VPS35L: variants seen among roughly 807,000 people sequenced by gnomAD.
VPS35L encodes VPS35 endosomal protein sorting factor like.
VPS35L carries 83 observed loss-of-function variants against 133.0 expected under a neutral mutation model. The observed-to-expected ratio is 0.62, with a 90% CI of 0.52 to 0.75. The LOEUF is 0.75. Ranked by LOEUF, VPS35L falls within the 30% of genes least tolerant of loss-of-function variation. The pLI, the probability that VPS35L is intolerant of heterozygous loss-of-function variation, is 0.00. For missense variants in VPS35L, 1,083 were observed against 1,206.8 expected (o/e 0.90, Z 1.52); for synonymous variants, 423 against 449.9 (o/e 0.94, Z 0.76).
chr16:19,616,265 T>C, intron 13 of VPS35L, 74 bp downstream of exon 13: 2 of 1,328,766 alleles, frequency 1.5e-6, no homozygotes, highest in Non-Finnish European at 2.2e-6. Context: ...CCCAGTTGGT[T>C]TTCCAAGTGG....
chr16:19,653,840 G>A (rs1198332795), intron 26 of VPS35L, among the ~76,000 whole-genome samples: 1 of 152,224 alleles, frequency 6.6e-6, no homozygotes, highest in African/African-American at 2.4e-5. Flanking sequence ...GCTCTGGGCA[G>A]TGAAGTCTTC....
In VPS35L at chr16:19,699,624, C is replaced by T. The variant is rs748928470; in HGVS notation, c.2769C>T (p.His923=). Residue 923 remains histidine (H), a synonymous_variant, in exon 30 of 31, where the codon CAC becomes CAT. Transcript: ENST00000417362. The surrounding 1 kb of genome is among the most constrained non-coding windows in gnomAD (Gnocchi z 4.2). ...ACCTGTGGCACCTGGCACAGAGGCA[C>T]GGCTGTGCAGACACCAGGACCATGG... ...SVNLWHLAQR[H]GCADTRTMVK... is the part of the protein sequence containing the mutation. 30 of 1,613,816 alleles carry T rather than the reference C, an allele frequency of 1.9e-5. No individual in the cohort carries two copies. The highest frequency in any genetic ancestry group is 1.8e-4 in the East Asian group (8 of 44,888).
At chr16:19,562,100 A>C (rs568473413) in intron 1 of VPS35L, among the ~76,000 whole-genome samples, 21 of 152,262 alleles carry the variant, frequency 1.4e-4, no homozygotes, top group African/African-American at 4.8e-4. Context: ...TCAAACAAAA[A>C]CAAAACAAAA....
intron 28 of VPS35L, among the ~76,000 whole-genome samples, chr16:19,686,172 A>G (rs1416970100): frequency 6.6e-6 from 1 of 152,156 alleles, no homozygotes; most frequent in Non-Finnish European, 1.5e-5. Context: ...GGAATCACAG[A>G]GTCTCTGCAG....
At chr16:19,580,325 T>C (rs966644716) in intron 6 of VPS35L, among the ~76,000 whole-genome samples, 2 of 148,906 alleles carry the variant, frequency 1.3e-5, no homozygotes, top group African/African-American at 2.5e-5. Context: ...TTGACCAGGC[T>C]GGTCTCAAAC....
rs1976047308 is a variant in VPS35L, at chr16:19,699,716, T to C, written c.2793+68T>C. 1 of 1,588,494 alleles carries C rather than the reference T, an allele frequency of 6.3e-7. No homozygotes were observed. Among genetic ancestry groups the C allele is most frequent in the Non-Finnish European group, 8.6e-7 (1 of 1,167,226 alleles). ...GTGCACAACCACCCTCAACACAGCA[T>C]TGTGGCCTGGACATCAGACAGACAA... On this transcript the variant is annotated intron_variant, in intron 30 of 30. Coordinates refer to ENST00000417362, the MANE Select transcript of VPS35L (RefSeq NM_020314.7). The surrounding 1 kb of genome is among the most constrained non-coding windows in gnomAD (Gnocchi z 4.2).
intron 8 of VPS35L, among the ~76,000 whole-genome samples, chr16:19,595,287 C>T (rs944378258): frequency 4.6e-5 from 7 of 152,116 alleles, no homozygotes; most frequent in African/African-American, 7.2e-5. Flanking sequence ...GCAGCACTTG[C>T]GGTGAGAGGC....
intron 26 of VPS35L, among the ~76,000 whole-genome samples, chr16:19,660,210 A>G (rs1455791042): frequency 6.6e-6 from 1 of 151,994 alleles, no homozygotes; most frequent in Non-Finnish European, 1.5e-5. Flanking sequence ...CTGTAGTCCC[A>G]GCTACTCGGG....
At chr16:19,638,916 C>A (rs1369148729) in intron 20 of VPS35L, among the ~76,000 whole-genome samples, 1 of 152,106 alleles carries the variant, frequency 6.6e-6, no homozygotes, top group African/African-American at 2.4e-5. Context: ...ACCAGCCTGG[C>A]CAACATGGCA....
chr16:19,687,227 TTCCC>T (rs1975494051), intron 28 of VPS35L, among the ~76,000 whole-genome samples: 1 of 152,188 alleles, frequency 6.6e-6, no homozygotes, highest in South Asian at 2.1e-4. Flanking sequence ...TGGTTGGACC[TTCCC>T]TCTTCTCCAT....
At chr16:19,578,338 C>A in intron 5 of VPS35L, 1 of 442,886 alleles carries the variant, frequency 2.3e-6, no homozygotes, top group Non-Finnish European at 4.5e-6. Context: ...CGCGCCACCG[C>A]ACTCCAGCGT....
chr16:19,641,948 G>A (rs924587954), intron 21 of VPS35L, among the ~76,000 whole-genome samples: 3 of 152,208 alleles, frequency 2.0e-5, no homozygotes, highest in African/African-American at 4.8e-5. Context: ...GGTGGCTCAC[G>A]CCCGTAATCC....
intron 27 of VPS35L, among the ~76,000 whole-genome samples, chr16:19,681,598 C>T (rs900410211): frequency 2.0e-5 from 3 of 152,196 alleles, no homozygotes; most frequent in Non-Finnish European, 4.4e-5. Context: ...AAGCTGCTTA[C>T]TTTTTTACAC....
At chr16:19,561,604 T>A (rs1971031221) in intron 1 of VPS35L, among the ~76,000 whole-genome samples, 1 of 151,874 alleles carries the variant, frequency 6.6e-6, no homozygotes, top group African/African-American at 2.4e-5. Flanking sequence ...CAAAGGTTAA[T>A]GAAGTTGGGA....
chr16:19,599,068 C>T (rs1289196331), intron 8 of VPS35L, among the ~76,000 whole-genome samples: 1 of 152,156 alleles, frequency 6.6e-6, no homozygotes, highest in Non-Finnish European at 1.5e-5. Context: ...CCCAGAGCCG[C>T]TGATAAGGAA....
At chr16:19,602,503 CCCTCTCTCTCCT>C (rs1164677129) in intron 9 of VPS35L, among the ~76,000 whole-genome samples, 1 of 151,968 alleles carries the variant, frequency 6.6e-6, no homozygotes, top group African/African-American at 2.4e-5. Flanking sequence ...CTTTATTCCT[CCCTCTCTCTCCT>C]CCTCTCTCTT....
In VPS35L at chr16:19,651,958, T is replaced by G; in HGVS notation, c.2107-18T>G. On this transcript the variant is annotated intron_variant, in intron 25 of 30. Coordinates refer to ENST00000417362, the MANE Select transcript of VPS35L (RefSeq NM_020314.7). ...CACCGTTGCACTGCTAGCGTTAATG[T>G]TTCTTCCCTTCTCCTAGGCCTGTGT... The G allele has an allele frequency of 6.5e-7, 1 of 1,545,684 alleles. No individual in the cohort carries two copies. Among genetic ancestry groups the G allele is most frequent in the South Asian group, 1.1e-5 (1 of 88,764 alleles).
chr16:19,570,883 A>G (rs1303322487), intron 3 of VPS35L, among the ~76,000 whole-genome samples: 5 of 67,786 alleles, frequency 7.4e-5, no homozygotes, highest in Non-Finnish European at 1.3e-4. Context: ...ATATATATAT[A>G]TATATATTTT....
At chr16:19,669,370 A>C in intron 27 of VPS35L, 71 bp downstream of exon 27, 1 of 1,495,996 alleles carries the variant, frequency 6.7e-7, no homozygotes, top group Non-Finnish European at 9.0e-7. Context: ...ATGTGTTCTT[A>C]GGCCTAAAAC....
Sources: allele counts gnomAD v4.1 joint callset (sites outside exome capture counted in the v4.1 genomes callset), GRCh38; gene constraint gnomAD v4.1.1; non-coding constraint Gnocchi (gnomAD v3.1); transcripts MANE v1.5; gene names NCBI Gene and HGNC (gene_info 2026-07-23, HGNC 2026-07-21).